CIROZ: variants seen among roughly 807,000 people sequenced by gnomAD.
CIROZ encodes the protein ciliated left-right organizer ZP-N domains-containing protein.
the CIROZ span, chr1:10,949,596 T>G: frequency 5.1e-6 from 8 of 1,582,030 alleles, no homozygotes; most frequent in Non-Finnish European, 6.9e-6. Flanking sequence ...GAGGAAACCA[T>G]GGGCAGAGGA....
the CIROZ span, chr1:10,976,081 C>T: frequency 4.8e-6 from 6 of 1,253,550 alleles, no homozygotes; most frequent in African/African-American, 9.0e-5. Context: ...TGTCACCCAG[C>T]AGGTTGGTTC....
the CIROZ span, among the ~76,000 whole-genome samples, chr1:10,946,928 G>C: frequency 6.7e-4 from 102 of 152,316 alleles, no homozygotes; most frequent in African/African-American, 2.2e-3. Context: ...CCATGGCTCA[G>C]GCCCTCCATG....
At chr1:10,966,994 C>G in the CIROZ span, among the ~76,000 whole-genome samples, 2 of 151,772 alleles carry the variant, frequency 1.3e-5, no homozygotes, top group African/African-American at 2.4e-5. Flanking sequence ...ACTAAAAATA[C>G]AAAAATTAGC....
the CIROZ span, chr1:10,976,174 C>T: frequency 1.3e-6 from 2 of 1,536,912 alleles, no homozygotes; most frequent in Non-Finnish European, 1.7e-6. Context: ...ACTTCTGCTG[C>T]AGAGCTTGGC....
the CIROZ span, among the ~76,000 whole-genome samples, chr1:10,965,553 A>G: frequency 2.6e-5 from 4 of 152,154 alleles, no homozygotes; most frequent in Middle Eastern, 3.4e-3. Context: ...GTGAAACCCC[A>G]TCTTCTACAA....
chr1:10,964,043 G>A, the CIROZ span: 3 of 1,536,128 alleles, frequency 2.0e-6, no homozygotes, highest in South Asian at 3.7e-5. Context: ...TGGTGCAGGA[G>A]CCAGGGCCAC....
the CIROZ span, chr1:10,949,329 C>A: frequency 4.3e-6 from 2 of 469,976 alleles, no homozygotes; most frequent in African/African-American, 2.0e-5. Context: ...TAGCTGCTGA[C>A]CCCCCACCCT....
chr1:10,972,517 G>C, the CIROZ span, among the ~76,000 whole-genome samples: 1 of 150,844 alleles, frequency 6.6e-6, no homozygotes, highest in Non-Finnish European at 1.5e-5. Context: ...TAATATTGTC[G>C]GGCTAATTTC....
At chr1:10,971,801 A>C in the CIROZ span, among the ~76,000 whole-genome samples, 1 of 151,848 alleles carries the variant, frequency 6.6e-6, no homozygotes, top group Non-Finnish European at 1.5e-5. Context: ...CTTGTTGACC[A>C]CTCTATCCCC....
the CIROZ span, among the ~76,000 whole-genome samples, chr1:10,966,002 G>A: frequency 6.6e-6 from 1 of 152,130 alleles, no homozygotes; most frequent in African/African-American, 2.4e-5. Context: ...CTGTGTGCCA[G>A]GCCCTGAGGC....
At chr1:10,947,550 G>A in the CIROZ span, 1,377 of 935,988 alleles carry the variant, frequency 1.5e-3, 26 homozygotes, top group East Asian at 0.036. Flanking sequence ...GGGCTTCCCT[G>A]GAAAGACGGC....
chr1:10,948,507 C>A, the CIROZ span: 2 of 1,614,078 alleles, frequency 1.2e-6, no homozygotes, highest in Non-Finnish European at 1.7e-6. Context: ...AGTTCCTAGA[C>A]CTTCAGTCAG....
the CIROZ span, among the ~76,000 whole-genome samples, chr1:10,972,997 C>T: frequency 7.2e-3 from 1,098 of 152,122 alleles, 8 homozygotes; most frequent in Non-Finnish European, 0.012. Flanking sequence ...TTGGGCCTTG[C>T]CGTATAGCCT....
At chr1:10,958,707 C>G in the CIROZ span, 1 of 1,614,072 alleles carries the variant, frequency 6.2e-7, no homozygotes, top group South Asian at 1.1e-5. Context: ...CAATGGGGCC[C>G]GCTTACCTGT....
At chr1:10,974,955 C>G in the CIROZ span, among the ~76,000 whole-genome samples, 1 of 151,878 alleles carries the variant, frequency 6.6e-6, no homozygotes, top group African/African-American at 2.4e-5. This position sits in a 1 kb window ranked among gnomAD's most constrained non-coding sequence, Gnocchi z 4.4. Flanking sequence ...ACAAAAATAG[C>G]CCCCCCTTCA....
the CIROZ span, chr1:10,957,183 C>G: frequency 4.3e-6 from 5 of 1,153,472 alleles, no homozygotes; most frequent in South Asian, 6.3e-5. Context: ...CACAGGGGCC[C>G]CCTCTCCTAC....
the CIROZ span, chr1:10,956,885 C>G: frequency 2.8e-6 from 2 of 719,488 alleles, no homozygotes; most frequent in South Asian, 4.0e-5. Flanking sequence ...ATTTCTGAAA[C>G]GCATAGCCAA....
chr1:10,980,994 A>G, the CIROZ span, among the ~76,000 whole-genome samples: 1 of 152,342 alleles, frequency 6.6e-6, no homozygotes, highest in South Asian at 2.1e-4. Context: ...AAAACGCCCA[A>G]CAAAAGCCCT....
At chr1:10,953,862 G>C in the CIROZ span, among the ~76,000 whole-genome samples, 2 of 152,180 alleles carry the variant, frequency 1.3e-5, no homozygotes, top group African/African-American at 2.4e-5. Flanking sequence ...GTTCCAGCCA[G>C]TATGTCTGAC....
Sources: allele counts gnomAD v4.1 joint callset (sites outside exome capture counted in the v4.1 genomes callset), GRCh38; gene constraint gnomAD v4.1.1; non-coding constraint Gnocchi (gnomAD v3.1); transcripts MANE v1.5; gene names NCBI Gene and HGNC (gene_info 2026-07-23, HGNC 2026-07-21).